The following ARHGEF6 variants were observed in gnomAD, a reference collection of about 807,000 sequenced individuals.
The protein encoded by ARHGEF6 is Rac/Cdc42 guanine nucleotide exchange factor 6, also known as rho guanine nucleotide exchange factor 6.
Under a neutral mutation model 70.3 loss-of-function variants are expected in ARHGEF6, and 9 were observed. The observed-to-expected ratio is 0.13, with a 90% CI of 0.08 to 0.22. The LOEUF is 0.22. ARHGEF6 is among the 10% of genes least tolerant of loss of function. ARHGEF6 has a pLI of 1.00. For synonymous variants in ARHGEF6, 201 were observed against 207.8 expected, an observed-to-expected ratio of 0.97 and a Z score of 0.28; for missense variants, 470 against 563.0, an observed-to-expected ratio of 0.83 and a Z score of 1.67.
intron 2 of ARHGEF6, among the ~76,000 whole-genome samples, chrX:136,774,507 C>T (rs1487648736): frequency 1.8e-5 from 2 of 108,583 alleles, no homozygotes; most frequent in Non-Finnish European, 3.8e-5. Context: ...AAAAATTAGC[C>T]GGGCGTGGTG....
chrX:136,729,366 G>T (rs1352183803), intron 6 of ARHGEF6, among the ~76,000 whole-genome samples: 5 of 102,023 alleles, frequency 4.9e-5, no homozygotes, highest in African/African-American at 1.8e-4. Flanking sequence ...TACTCGGGAA[G>T]ATGAGGCAGG....
chrX:136,749,842 G>A (rs2077133058), intron 2 of ARHGEF6, among the ~76,000 whole-genome samples: 1 of 111,750 alleles, frequency 8.9e-6, no homozygotes, highest in African/African-American at 3.3e-5. Flanking sequence ...CAACGCCTAA[G>A]CATTATTATT....
chrX:136,713,176 TA>T, intron 7 of ARHGEF6, 99 bp downstream of exon 7: 1 of 757,256 alleles, frequency 1.3e-6, no homozygotes. Context: ...GAAATTCTTC[TA>T]AAGGGCAAAA....
In ARHGEF6 at chrX:136,708,877, T is replaced by G. The variant is rs180904859; in HGVS notation, c.828-107A>C. On this transcript the variant is annotated intron_variant, in intron 7 of 21. Transcript: ENST00000250617. ...GAGGTAATACCTATATTTTAACTTT[T>G]GCTTTTTAATTTATAACAACTCTAT... 2.0e-3 allele frequency: 1,099 copies of G among 552,351 alleles called. 5 individuals are homozygous for G. Among genetic ancestry groups the G allele is most frequent in the Non-Finnish European group, 2.1e-3 (712 of 336,799 alleles). The allele number at this position is 552,351 out of a possible 1,213,427, so 45.5% of individuals were successfully genotyped here.
chrX:136,763,547 G>A (rs1001708916), intron 2 of ARHGEF6, among the ~76,000 whole-genome samples: 7 of 112,245 alleles, frequency 6.2e-5, no homozygotes, highest in African/African-American at 1.6e-4. Context: ...GATCACGGCC[G>A]GGCACGGTGG....
chrX:136,752,570 G>A (rs1465297408), intron 2 of ARHGEF6, among the ~76,000 whole-genome samples: 1 of 111,987 alleles, frequency 8.9e-6, no homozygotes, highest in Non-Finnish European at 1.9e-5. Context: ...AGAAAAGAAG[G>A]CATACCCTAC....
intron 12 of ARHGEF6, among the ~76,000 whole-genome samples, chrX:136,685,217 C>A (rs1411944460): frequency 9.0e-6 from 1 of 111,565 alleles, no homozygotes; most frequent in Non-Finnish European, 1.9e-5. Context: ...CTCCTCAAGT[C>A]CTGTCTCCGT....
At chrX:136,699,526 TG>T (rs1218486583) in intron 9 of ARHGEF6, among the ~76,000 whole-genome samples, 1 of 111,409 alleles carries the variant, frequency 9.0e-6, no homozygotes, top group Non-Finnish European at 1.9e-5. Context: ...CTGAACAAAC[TG>T]AAAATCAATG....
chrX:136,716,239 C>T (rs751449468), intron 6 of ARHGEF6, among the ~76,000 whole-genome samples: 8 of 112,762 alleles, frequency 7.1e-5, no homozygotes, highest in Non-Finnish European at 1.5e-4. Context: ...CTGCGCCCGG[C>T]CTGAGCATAA....
intron 21 of ARHGEF6, among the ~76,000 whole-genome samples, chrX:136,668,962 C>T (rs1358235239): frequency 9.0e-6 from 1 of 111,457 alleles, no homozygotes; most frequent in Non-Finnish European, 1.9e-5. Flanking sequence ...GCCTCATTAC[C>T]CTGCCTCAGT....
Position 136,681,984 on chromosome X carries a change from C to T in ARHGEF6, c.1480-16G>A, listed in dbSNP as rs2076337435. The T allele has an allele frequency of 8.6e-7, 1 of 1,159,627 alleles. No homozygotes were observed. ...GTATTTTTCCCTATTAGAAAAAGAACATTCTCATTAATTCTGCAGTTATAC... is the reference window on the plus strand; with the variant it reads ...GTATTTTTCCCTATTAGAAAAAGAATATTCTCATTAATTCTGCAGTTATAC... On this transcript the variant is annotated splice_polypyrimidine_tract_variant and intron_variant, in intron 13 of 21. Coordinates refer to ENST00000250617, the MANE Select transcript of ARHGEF6 (RefSeq NM_004840.3).
intron 12 of ARHGEF6, among the ~76,000 whole-genome samples, chrX:136,683,403 G>C (rs1487018415): frequency 9.0e-6 from 1 of 110,809 alleles, no homozygotes; most frequent in African/African-American, 3.3e-5. Flanking sequence ...TTTTTGCCCA[G>C]GTTGGAGTGC....
chrX:136,679,107 A>T (rs1443107765), intron 16 of ARHGEF6, among the ~76,000 whole-genome samples: 1 of 112,377 alleles, frequency 8.9e-6, no homozygotes, highest in African/African-American at 3.2e-5. Context: ...TTGGACTCAT[A>T]GCTTGGTCCC....
At chrX:136,767,551 C>G in intron 2 of ARHGEF6, 1 of 754,710 alleles carries the variant, frequency 1.3e-6, no homozygotes, top group South Asian at 6.7e-5. Flanking sequence ...GGCGGAGGAT[C>G]GCGGGGCCGA....
rs145081421 is a variant in ARHGEF6 at position 136,679,601 on chromosome X, C to T, written c.1764G>A (p.Pro588=). The change falls in exon 16 of 22, where the codon CCG becomes CCA. Residue 588 remains proline (P), a synonymous_variant. Coordinates refer to ENST00000250617, the MANE Select transcript of ARHGEF6 (RefSeq NM_004840.3). Reference sequence around the variant, plus strand: ...CAGGTCGTAGACAACTTAAACTCCACGGTTTTATAATTTGAGGAGGCTCCA... The same window carrying T: ...CAGGTCGTAGACAACTTAAACTCCATGGTTTTATAATTTGAGGAGGCTCCA... ...GPLEPPQIIK[P]WSLSCLRPAP... 180 of 1,209,416 alleles carry T rather than the reference C, an allele frequency of 1.5e-4. 2 individuals carry two copies. In the African/African-American group the frequency reaches 2.5e-3, roughly 17 times the overall value.
chrX:136,724,078 CT>C lies in ARHGEF6; in HGVS notation c.732+8023del, dbSNP rs777860865. 4.0e-3 allele frequency among the ~76,000 whole-genome samples: 398 copies of C among 100,315 alleles called. 1 individual carries two copies. Among genetic ancestry groups the C allele is most frequent in the African/African-American group, 1.0e-2 (278 of 27,905 alleles). 87.1% of individuals were successfully genotyped at this position (100,315 alleles called of 115,157 possible). The stretch of plus-strand genomic sequence containing the variant: ...ACTTCTCTTTTCTCTTTTTTTCTTT[CT>C]TTTTTTTTTTTTGTTTTTTAGACGG... On this transcript the variant is annotated intron_variant, in intron 6 of 21. Coordinates refer to ENST00000250617, the MANE Select transcript of ARHGEF6 (RefSeq NM_004840.3).
intron 6 of ARHGEF6, among the ~76,000 whole-genome samples, chrX:136,714,520 C>T (rs766697488): frequency 6.2e-5 from 7 of 112,320 alleles, no homozygotes; most frequent in East Asian, 5.5e-4. Context: ...TGCCAACTGC[C>T]GTGCTGCCCA....
At position 136,737,821 on chromosome X, in the gene ARHGEF6, C is replaced by A. The variant is rs143256726; in HGVS notation, c.662-5649G>T. On this transcript the variant is annotated intron_variant, in intron 5 of 21. Transcript: ENST00000250617. ...TCCTAGATAGGTTTTGGCTTACCTACTATTTTGTGGTGGTGGCAAGAGTTG... is the reference window on the plus strand; with the variant it reads ...TCCTAGATAGGTTTTGGCTTACCTAATATTTTGTGGTGGTGGCAAGAGTTG... Among the ~76,000 whole-genome samples, 82 of 101,830 alleles carry A rather than the reference C, an allele frequency of 8.1e-4. 1 individual carries two copies. Among genetic ancestry groups the A allele is most frequent in the African/African-American group, 2.8e-3 (77 of 27,559 alleles). The allele number at this position is 101,830 out of a possible 115,157, so 88.4% of individuals were successfully genotyped here.
intron 6 of ARHGEF6, among the ~76,000 whole-genome samples, chrX:136,726,639 C>A (rs2076855480): frequency 8.9e-6 from 1 of 112,505 alleles, no homozygotes; most frequent in African/African-American, 3.2e-5. Context: ...ATGCCACAGC[C>A]TTCCTCCCAC....
Sources: gnomAD v4.1 joint callset for allele counts (sites outside exome capture counted in the v4.1 genomes callset) on GRCh38, gnomAD v4.1.1 for gene constraint, MANE v1.5 for transcripts, NCBI Gene and HGNC (gene_info 2026-07-23, HGNC 2026-07-21) for gene names.